CC2D2A: variants seen among roughly 807,000 people sequenced by gnomAD.
The protein encoded by CC2D2A is coiled-coil and C2 domain-containing protein 2A.
CC2D2A carries 155 observed loss-of-function variants against 212.9 expected under a neutral mutation model. That is an observed-to-expected ratio of 0.73 (90% CI 0.64 to 0.83). CC2D2A has a LOEUF of 0.83. Among genes scored for constraint, CC2D2A ranks in the 40% least tolerant of loss-of-function variants. The pLI is 0.00. For synonymous variants in CC2D2A, 667 were observed against 686.5 expected, an observed-to-expected ratio of 0.97 and a Z score of 0.44; for missense variants, 1,856 against 1,956.2, an observed-to-expected ratio of 0.95 and a Z score of 0.97.
intron 4 of CC2D2A, among the ~76,000 whole-genome samples, chr4:15,488,431 T>C (rs140580981): frequency 6.6e-6 from 1 of 152,360 alleles, no homozygotes; most frequent in Non-Finnish European, 1.5e-5. Flanking sequence ...CTGAGAAGTC[T>C]GCTGCCAGAT....
intron 11 of CC2D2A, chr4:15,519,839 A>G: frequency 3.5e-6 from 1 of 289,562 alleles, no homozygotes; most frequent in Non-Finnish European, 7.0e-6. Flanking sequence ...TCATGACATG[A>G]GGGAATTGTG....
chr4:15,515,040 C>T (rs1716782821), intron 9 of CC2D2A, among the ~76,000 whole-genome samples, 171 bp downstream of exon 9: 2 of 152,098 alleles, frequency 1.3e-5, no homozygotes, highest in Admixed American at 1.3e-4. Flanking sequence ...GAAAAATATC[C>T]ATTCAACAAA....
At chr4:15,489,752 A>AAT (rs1202474459) in intron 4 of CC2D2A, among the ~76,000 whole-genome samples, 1 of 152,158 alleles carries the variant, frequency 6.6e-6, no homozygotes, top group Non-Finnish European at 1.5e-5. Flanking sequence ...ACATTTGCTA[A>AAT]ATTCAATAGT....
intron 29 of CC2D2A, among the ~76,000 whole-genome samples, chr4:15,578,815 TG>T (rs138739630): frequency 0.2 from 29,985 of 148,052 alleles, 3,320 homozygotes; most frequent in Non-Finnish European, 0.24. Context: ...TTTGTTTGTT[TG>T]TTTTTAATAG....
chr4:15,526,097 G>A (rs1384197480), intron 11 of CC2D2A, among the ~76,000 whole-genome samples: 1 of 152,140 alleles, frequency 6.6e-6, no homozygotes, highest in African/African-American at 2.4e-5. Flanking sequence ...TCTGGGCTGG[G>A]CTTCCTACCT....
Position 15,492,704 on chromosome 4 carries a change from G to A in CC2D2A, c.248-9725G>A, listed in dbSNP as rs534029419. The A allele has an allele frequency of 3.8e-4, 286 of 751,392 alleles. No individual in the cohort carries two copies. The African/African-American group carries it at 4.4e-3, about 12-fold the overall frequency. The allele number at this position is 751,392 out of a possible 1,614,324, so 46.5% of individuals were successfully genotyped here. On this transcript the variant is annotated intron_variant, in intron 4 of 36. Transcript: ENST00000424120. ...TCTCTTCCTTTCGTGCTCTCACTGG[G>A]TCTGGTGGTCCAGGGGTCTTACTCC... is the stretch of plus-strand genomic sequence containing the variant.
At chr4:15,575,728 G>A (rs1414774229) in intron 29 of CC2D2A, among the ~76,000 whole-genome samples, 1 of 152,164 alleles carries the variant, frequency 6.6e-6, no homozygotes, top group East Asian at 1.9e-4. Context: ...AAATATTTTA[G>A]AAAGGGAAAA....
Position 15,587,917 on chromosome 4 carries a change from T to G in CC2D2A, c.4167T>G (p.Asn1389Lys), listed in dbSNP as rs576183875. 6.2e-7 allele frequency: 1 copy of G among 1,605,418 alleles called. No homozygotes were observed. The highest frequency in any genetic ancestry group is 1.1e-5 in the South Asian group (1 of 90,794). The change falls in exon 32 of 37, where the codon AAT (asparagine) becomes AAG (lysine). Residue 1389 changes from asparagine (N) to lysine (K), a missense_variant. Transcript: ENST00000424120. Reference protein sequence around the residue: ...LGKKAWLLMGNAIPEGPTAYV... With the variant: ...LGKKAWLLMGKAIPEGPTAYV... ...AGAAGGCCTGGCTGTTGATGGGCAA[T>G]GCTATTCCTGAGGTAAGACCACATA...
In CC2D2A at chr4:15,567,685, A is replaced by G. The variant is rs1466616685; in HGVS notation, c.3297A>G (p.Val1099=). ...TTGCTCTTGATTTTAAGGTTTTAGTACGTCCCTTTGTAGAAGTCTCTTTTC... is the reference window on the plus strand; with the variant it reads ...TTGCTCTTGATTTTAAGGTTTTAGTGCGTCCCTTTGTAGAAGTCTCTTTTC... ...NADYPLGQVL[V]RPFVEVSFQR... The change falls in exon 26 of 37, where the codon GTA becomes GTG. Residue 1099 remains valine (V), a synonymous_variant. Coordinates refer to ENST00000424120, the MANE Select transcript of CC2D2A (RefSeq NM_001378615.1). 6.2e-7 allele frequency: 1 copy of G among 1,601,144 alleles called. No homozygotes were observed. The highest frequency in any genetic ancestry group is 1.8e-5 in the Admixed American group (1 of 56,276).
At position 15,555,282 on chromosome 4, in the gene CC2D2A, T is replaced by C. The variant is rs182365290; in HGVS notation, c.2625+72T>C. On this transcript the variant is annotated intron_variant, in intron 20 of 36. Transcript: ENST00000424120. ...CACAATTTTCCTTTACACTATCTTC[T>C]CCTATGCAATACTGTTTAAGAACAT... 1.4e-5 allele frequency: 22 copies of C among 1,543,796 alleles called. No homozygotes were observed. In the African/African-American group the frequency reaches 2.9e-4, roughly 20 times the overall value.
chr4:15,550,739 A>T, intron 17 of CC2D2A, 85 bp from the exon 18 acceptor site: 1 of 1,028,488 alleles, frequency 9.7e-7, no homozygotes. Flanking sequence ...GACCAGCACA[A>T]ATACTAACAA....
Position 15,589,472 on chromosome 4 carries a change from G to C in CC2D2A, c.4180-73G>C. On this transcript the variant is annotated intron_variant, in intron 32 of 36. Transcript: ENST00000424120. ...AAGGGTCCAAGTAAAATAATGAATT[G>C]TCTGTGCAAACTACTATTGGCCTTC... 3.1e-6 allele frequency: 4 copies of C among 1,270,182 alleles called. No individual in the cohort carries two copies. The South Asian group carries it at 4.7e-5, about 15-fold the overall frequency. The allele number at this position is 1,270,182 out of a possible 1,614,324, so 78.7% of individuals were successfully genotyped here. A position where few individuals can be genotyped will look rare whatever the true frequency, so the allele number is the denominator to read the frequency against.
chr4:15,577,198 G>A (rs1055749416), intron 29 of CC2D2A, among the ~76,000 whole-genome samples: 6 of 152,076 alleles, frequency 3.9e-5, no homozygotes, highest in African/African-American at 1.4e-4. Context: ...GTCTCCTTTT[G>A]TTGACCAGGC....
At chr4:15,513,815 A>G (rs571680283) in intron 8 of CC2D2A, among the ~76,000 whole-genome samples, 4 of 152,284 alleles carry the variant, frequency 2.6e-5, no homozygotes, top group South Asian at 2.1e-4. Context: ...TCTGTCTTCA[A>G]GTTAAGTTAA....
At chr4:15,558,627 C>T (rs1719412064) in intron 21 of CC2D2A, among the ~76,000 whole-genome samples, 1 of 151,912 alleles carries the variant, frequency 6.6e-6, no homozygotes, top group African/African-American at 2.4e-5. Context: ...GAGTTAGGTA[C>T]CACTACCAGG....
chr4:15,563,257 G>A, intron 23 of CC2D2A, 98 bp from the exon 24 acceptor site: 2 of 1,168,496 alleles, frequency 1.7e-6, no homozygotes, highest in Non-Finnish European at 2.4e-6. Context: ...TTTTTCAGGG[G>A]CGTGTGCAGG....
At chr4:15,596,010 A>G in intron 33 of CC2D2A, 75 bp from the exon 34 acceptor site, 2 of 1,062,492 alleles carry the variant, frequency 1.9e-6, no homozygotes, top group Non-Finnish European at 2.6e-6. Flanking sequence ...TCTATGCCAC[A>G]CATACATCCA....
intron 32 of CC2D2A, among the ~76,000 whole-genome samples, chr4:15,588,796 A>T (rs545183833): frequency 1.3e-5 from 2 of 152,302 alleles, no homozygotes; most frequent in Non-Finnish European, 2.9e-5. Flanking sequence ...TCTGGGTTTT[A>T]TAGAAAAGTG....
intron 1 of CC2D2A, chr4:15,473,237 T>C (rs2108962102): frequency 6.6e-6 from 1 of 152,236 alleles, no homozygotes; most frequent in South Asian, 2.1e-4. Flanking sequence ...TTCTAATGGA[T>C]ATGGGCTGAC....
Sources: gnomAD v4.1 joint callset for allele counts (sites outside exome capture counted in the v4.1 genomes callset) on GRCh38, gnomAD v4.1.1 for gene constraint, MANE v1.5 for transcripts, NCBI Gene and HGNC (gene_info 2026-07-23, HGNC 2026-07-21) for gene names.